SGMS2: variants seen among roughly 807,000 people sequenced by gnomAD.
The protein encoded by SGMS2 is phosphatidylcholine:ceramide cholinephosphotransferase 2.
Under a neutral mutation model 43.8 loss-of-function variants are expected in SGMS2, and 21 were observed. That is an observed-to-expected ratio of 0.48 (90% confidence interval 0.34 to 0.69). The LOEUF (loss-of-function observed/expected upper bound fraction) is 0.69. Among genes scored for constraint, SGMS2 ranks in the 30% least tolerant of loss-of-function variants. The pLI is 0.01. For missense variants in SGMS2, 384 were observed against 443.2 expected, an observed-to-expected ratio of 0.87 and a Z score of 1.20; for synonymous variants, 167 against 160.6, an observed-to-expected ratio of 1.04 and a Z score of -0.30.
chr4:107,890,042 A>T (rs1227362254), intron 2 of SGMS2, among the ~76,000 whole-genome samples: 4 of 152,310 alleles, frequency 2.6e-5, no homozygotes, highest in South Asian at 4.1e-4. Context: ...AAATTTTTTT[A>T]AAACAAAGAC....
intron 2 of SGMS2, among the ~76,000 whole-genome samples, chr4:107,879,733 A>T (rs1378406240): frequency 6.6e-6 from 1 of 152,166 alleles, no homozygotes; most frequent in Admixed American, 6.5e-5. Flanking sequence ...AAGTGCTGGG[A>T]TTATAGGCGT....
At chr4:107,881,375 T>C (rs763639881) in intron 2 of SGMS2, among the ~76,000 whole-genome samples, 2 of 152,166 alleles carry the variant, frequency 1.3e-5, no homozygotes, top group South Asian at 2.1e-4. Flanking sequence ...GCACAGAGGC[T>C]CCTGAGGTCA....
intron 1 of SGMS2, among the ~76,000 whole-genome samples, chr4:107,825,780 CG>C (rs1396052180): frequency 6.6e-6 from 1 of 151,868 alleles, no homozygotes; most frequent in Non-Finnish European, 1.5e-5. Context: ...AAATAAGGGG[CG>C]GGGAACCCCT....
chr4:107,835,911 C>T (rs1222386416), intron 1 of SGMS2, among the ~76,000 whole-genome samples: 1 of 152,120 alleles, frequency 6.6e-6, no homozygotes, highest in Non-Finnish European at 1.5e-5. Context: ...TCCCAAGAAC[C>T]CAGTACTGTC....
In SGMS2 at chr4:107,910,613, T is replaced by G. The variant is rs1032399220; in HGVS notation, c.*60T>G. 10 of 1,509,048 alleles carry G rather than the reference T, an allele frequency of 6.6e-6. No individual in the cohort carries two copies. In the South Asian group the frequency reaches 9.9e-5, roughly 15 times the overall value. The allele number at this position is 1,509,048 out of a possible 1,614,324, so 93.5% of individuals were successfully genotyped here. On this transcript the variant is annotated 3_prime_UTR_variant, in exon 7 of 7. Transcript: ENST00000690982. Reference sequence around the variant, plus strand: ...AGAGTTAACGCTGTAACCAAAGGTATAGTTTTGTTTTTTATTTTAGGAGAA... The same window carrying G: ...AGAGTTAACGCTGTAACCAAAGGTAGAGTTTTGTTTTTTATTTTAGGAGAA...
chr4:107,900,088 A>G (rs1730994748), intron 4 of SGMS2, among the ~76,000 whole-genome samples: 1 of 152,128 alleles, frequency 6.6e-6, no homozygotes, highest in Admixed American at 6.5e-5. Flanking sequence ...AATTTGTCAC[A>G]TGCTGATAAG....
chr4:107,868,610 C>T (rs759595347), intron 2 of SGMS2, among the ~76,000 whole-genome samples: 9 of 151,882 alleles, frequency 5.9e-5, no homozygotes, highest in African/African-American at 1.2e-4. Flanking sequence ...CCTAGCTACT[C>T]GGGAGGCTGA....
chr4:107,831,932 C>T (rs1310073915), intron 1 of SGMS2, among the ~76,000 whole-genome samples: 3 of 152,160 alleles, frequency 2.0e-5, no homozygotes, highest in Non-Finnish European at 2.9e-5. Context: ...CTGGTACTGT[C>T]CCTCACAGAG....
intron 1 of SGMS2, among the ~76,000 whole-genome samples, chr4:107,854,083 T>C (rs1727294727): frequency 6.6e-6 from 1 of 152,230 alleles, no homozygotes; most frequent in African/African-American, 2.4e-5. Flanking sequence ...TATTACCATT[T>C]TATCTGAAGA....
rs146105779 is a variant in SGMS2, at chr4:107,880,496, A to T, written c.-244-14814A>T. ...ACAAAGCACCCTCACATCCATAAGCATATTGGTACCTTCCCATTTTGGCTG... is the reference window on the plus strand; with the variant it reads ...ACAAAGCACCCTCACATCCATAAGCTTATTGGTACCTTCCCATTTTGGCTG... On this transcript the variant is annotated intron_variant, in intron 2 of 6. Transcript: ENST00000690982. Among the ~76,000 whole-genome samples the T allele has an allele frequency of 1.4e-3, 213 of 152,248 alleles. 1 individual carries two copies. The highest frequency in any genetic ancestry group is 3.4e-3 in the Middle Eastern group (1 of 294).
At chr4:107,887,096 A>G (rs1333001592) in intron 2 of SGMS2, among the ~76,000 whole-genome samples, 2 of 152,216 alleles carry the variant, frequency 1.3e-5, no homozygotes, top group African/African-American at 2.4e-5. Flanking sequence ...GACTTCTGTT[A>G]GTTTAGTCCA....
intron 1 of SGMS2, among the ~76,000 whole-genome samples, chr4:107,838,433 T>G (rs1019886032): frequency 6.6e-6 from 1 of 152,152 alleles, no homozygotes; most frequent in African/African-American, 2.4e-5. Flanking sequence ...CTTCTTCTTC[T>G]TCTTCTTCTT....
rs929353887 is a variant in SGMS2, at chr4:107,880,217, A to G, written c.-244-15093A>G. On this transcript the variant is annotated intron_variant, in intron 2 of 6. Coordinates refer to ENST00000690982, the MANE Select transcript of SGMS2 (RefSeq NM_001375905.1). ...ATTCTCAGAAGAAAGTGTCATCAAG[A>G]TACCATCAAGCTTTCCCATTTCCCA... Among the ~76,000 whole-genome samples, 10 of 152,262 alleles carry G rather than the reference A, an allele frequency of 6.6e-5. No individual in the cohort carries two copies. In the South Asian group the frequency reaches 1.9e-3, roughly 28 times the overall value.
intron 1 of SGMS2, among the ~76,000 whole-genome samples, chr4:107,847,301 G>A (rs1269372055): frequency 2.6e-5 from 4 of 152,142 alleles, no homozygotes; most frequent in Non-Finnish European, 1.5e-5. Context: ...TAAGGTGTAA[G>A]GAAGGGATCC....
intron 2 of SGMS2, among the ~76,000 whole-genome samples, chr4:107,865,798 TC>T (rs1728068594): frequency 6.6e-6 from 1 of 152,104 alleles, no homozygotes; most frequent in Non-Finnish European, 1.5e-5. Context: ...CTGGTGGAAA[TC>T]CCCCCACCCC....
chr4:107,847,406 C>T (rs1354020103), intron 1 of SGMS2, among the ~76,000 whole-genome samples: 2 of 152,004 alleles, frequency 1.3e-5, no homozygotes, highest in Non-Finnish European at 2.9e-5. Flanking sequence ...TCAGGTTTGT[C>T]AAAGATCAGA....
At chr4:107,877,495 G>A (rs1461079969) in intron 2 of SGMS2, among the ~76,000 whole-genome samples, 1 of 152,130 alleles carries the variant, frequency 6.6e-6, no homozygotes, top group African/African-American at 2.4e-5. Flanking sequence ...CAGTTAGGCT[G>A]TTATATTTAA....
At chr4:107,829,949 CAG>C (rs1725795734) in intron 1 of SGMS2, among the ~76,000 whole-genome samples, 1 of 152,138 alleles carries the variant, frequency 6.6e-6, no homozygotes, top group African/African-American at 2.4e-5. Flanking sequence ...TTATGTGTCA[CAG>C]GGGTTTGATG....
intron 1 of SGMS2, among the ~76,000 whole-genome samples, chr4:107,858,051 C>T (rs192183749): frequency 1.3e-5 from 2 of 152,140 alleles, no homozygotes; most frequent in East Asian, 3.9e-4. Flanking sequence ...TAAATATCCC[C>T]TTAGAAAGGC....
Sources: gnomAD v4.1 joint callset for allele counts (sites outside exome capture counted in the v4.1 genomes callset) on GRCh38, gnomAD v4.1.1 for gene constraint, MANE v1.5 for transcripts, NCBI Gene and HGNC (gene_info 2026-07-23, HGNC 2026-07-21) for gene names.